Variants in RHOU observed in about 807,000 individuals in gnomAD.
RHOU encodes the protein ras homolog family member U.
In RHOU, 8 loss-of-function variants were observed where a neutral mutation model predicts 12.6. The observed-to-expected ratio is 0.64, with a 90% confidence interval of 0.37 to 1.15. The LOEUF (loss-of-function observed/expected upper bound fraction) is 1.15, where lower values mean the gene tolerates loss of function less well. Among genes scored for constraint, RHOU ranks in the 50% most tolerant of loss-of-function variants. RHOU has a pLI of 0.01. For missense variants in RHOU, 258 were observed against 347.0 expected, an observed-to-expected ratio of 0.74 and a Z score of 2.04; for synonymous variants, 161 against 147.4, an observed-to-expected ratio of 1.09 and a Z score of -0.67.
chr1:228,646,796 A>T, the RHOU span, among the ~76,000 whole-genome samples: 44 of 152,110 alleles, frequency 2.9e-4, no homozygotes, highest in African/African-American at 8.9e-4. Context: ...ACGGGTGCGC[A>T]GACGCACGCA....
the RHOU span, among the ~76,000 whole-genome samples, chr1:228,711,298 G>GA: frequency 6.6e-6 from 1 of 151,884 alleles, no homozygotes; most frequent in African/African-American, 2.4e-5. Flanking sequence ...CACAGAATTG[G>GA]AAAAAACTAC....
the RHOU span, among the ~76,000 whole-genome samples, chr1:228,701,863 C>T: frequency 6.6e-6 from 1 of 151,254 alleles, no homozygotes; most frequent in African/African-American, 2.4e-5. Context: ...ATATAGAATT[C>T]TCTTATATAT....
At chr1:228,712,916 T>C in the RHOU span, among the ~76,000 whole-genome samples, 1 of 151,868 alleles carries the variant, frequency 6.6e-6, no homozygotes, top group African/African-American at 2.4e-5. Context: ...AATGTTGCCA[T>C]ATACTGCCAG....
chr1:228,736,114 C>A, intron 1 of RHOU, 110 bp downstream of exon 1: 2 of 1,118,934 alleles, frequency 1.8e-6, no homozygotes, highest in Non-Finnish European at 2.4e-6. Flanking sequence ...GGGCCCCGGG[C>A]GCGGCTCCAG....
the RHOU span, among the ~76,000 whole-genome samples, chr1:228,694,595 A>G: frequency 6.6e-6 from 1 of 152,128 alleles, no homozygotes. Context: ...TTCCTGCATT[A>G]CTTTGCTGAG....
At chr1:228,702,147 T>TA in the RHOU span, among the ~76,000 whole-genome samples, 2 of 152,158 alleles carry the variant, frequency 1.3e-5, no homozygotes, top group African/African-American at 2.4e-5. Context: ...AACATACTTG[T>TA]AAAAAAACTC....
Position 228,736,010 on chromosome 1 carries a change from C to A in RHOU, c.262+6C>A. The A allele has an allele frequency of 6.4e-7, 1 of 1,570,180 alleles. No homozygotes were observed. Among genetic ancestry groups the A allele is most frequent in the South Asian group, 1.1e-5 (1 of 89,496 alleles). On this transcript the variant is annotated splice_donor_region_variant and intron_variant, in intron 1 of 2. Transcript: ENST00000366691. Reference sequence around the variant, plus strand: ...TGCCTTCGACAACTTCTCCGGTGAGCTGGCCGGGGGGCCGGGGCCGGGGGC... The same window carrying A: ...TGCCTTCGACAACTTCTCCGGTGAGATGGCCGGGGGGCCGGGGCCGGGGGC...
the RHOU span, among the ~76,000 whole-genome samples, chr1:228,661,692 A>G: frequency 2.6e-5 from 4 of 152,250 alleles, no homozygotes; most frequent in South Asian, 6.2e-4. Flanking sequence ...GATGGATTCA[A>G]GACTTAAACA....
the RHOU span, chr1:228,651,274 G>T: frequency 1.6e-5 from 3 of 185,312 alleles, no homozygotes; most frequent in South Asian, 1.4e-4. Context: ...CTGACTTGAA[G>T]GGTGTCTACT....
At chr1:228,740,507 A>G (rs1662699970) in intron 2 of RHOU, among the ~76,000 whole-genome samples, 1 of 152,174 alleles carries the variant, frequency 6.6e-6, no homozygotes, top group Admixed American at 6.5e-5. Flanking sequence ...TCCCCCATTT[A>G]TAAATTAGTC....
At chr1:228,697,957 T>C in the RHOU span, among the ~76,000 whole-genome samples, 1 of 152,242 alleles carries the variant, frequency 6.6e-6, no homozygotes, top group African/African-American at 2.4e-5. Flanking sequence ...TTTGTTCCAG[T>C]TATCTATCAT....
chr1:228,668,415 A>T, the RHOU span, among the ~76,000 whole-genome samples: 1 of 152,192 alleles, frequency 6.6e-6, no homozygotes, highest in Middle Eastern at 3.2e-3. Flanking sequence ...TGCGATTGGC[A>T]TGTGAAGTGG....
chr1:228,711,058 A>G, the RHOU span, among the ~76,000 whole-genome samples: 1 of 152,112 alleles, frequency 6.6e-6, no homozygotes, highest in South Asian at 2.1e-4. Context: ...CCCATTCACA[A>G]TTGCTTCAAA....
the RHOU span, among the ~76,000 whole-genome samples, chr1:228,713,756 G>A: frequency 6.6e-6 from 1 of 152,168 alleles, no homozygotes; most frequent in Non-Finnish European, 1.5e-5. Context: ...TTAGAAGCAT[G>A]GGCAAAACAA....
the RHOU span, among the ~76,000 whole-genome samples, chr1:228,695,329 A>G: frequency 1.5e-3 from 233 of 152,268 alleles, no homozygotes; most frequent in African/African-American, 5.4e-3. Context: ...ATCTCATCCC[A>G]CAATAATCAA....
At chr1:228,692,779 C>A in the RHOU span, among the ~76,000 whole-genome samples, 1 of 151,562 alleles carries the variant, frequency 6.6e-6, no homozygotes, top group Non-Finnish European at 1.5e-5. Flanking sequence ...CCTATGGATA[C>A]TAGATTTAAG....
chr1:228,663,980 C>T, the RHOU span, among the ~76,000 whole-genome samples: 2 of 69,818 alleles, frequency 2.9e-5, no homozygotes, highest in South Asian at 8.1e-4. Context: ...CCCTCCCCTT[C>T]CCTCCCCTCC....
chr1:228,736,168 C>T (rs1455573500), intron 1 of RHOU, among the ~76,000 whole-genome samples, 164 bp downstream of exon 1: 1 of 145,424 alleles, frequency 6.9e-6, no homozygotes, highest in Non-Finnish European at 1.5e-5. Context: ...TTTCCTGAGT[C>T]TCAGGGACCG....
chr1:228,662,640 T>C, the RHOU span, among the ~76,000 whole-genome samples: 12 of 136,694 alleles, frequency 8.8e-5, no homozygotes, highest in Admixed American at 8.7e-4. Flanking sequence ...ATGAGAACAG[T>C]TGGACACAGG....
Sources: gnomAD v4.1 joint callset for allele counts (sites outside exome capture counted in the v4.1 genomes callset) on GRCh38, gnomAD v4.1.1 for gene constraint, MANE v1.5 for transcripts, NCBI Gene and HGNC (gene_info 2026-07-23, HGNC 2026-07-21) for gene names.